LOXL3: variants seen among roughly 807,000 people sequenced by gnomAD.
The protein encoded by LOXL3 is lysyl oxidase homolog 3.
Under a neutral mutation model 91.8 loss-of-function variants are expected in LOXL3, and 60 were observed. That is an observed-to-expected ratio of 0.65 (90% CI 0.53 to 0.81). LOXL3 has a LOEUF of 0.81. Among genes scored for constraint, LOXL3 ranks in the 30% least tolerant of loss-of-function variants. LOXL3 has a pLI of 0.00. For missense variants in LOXL3, 874 were observed against 1,000.4 expected (o/e 0.87, Z 1.70); for synonymous variants, 355 against 387.6 (o/e 0.92, Z 0.99).
chr2:74,550,122 C>A, intron 3 of LOXL3, 63 bp downstream of exon 3: 1 of 1,539,428 alleles, frequency 6.5e-7, no homozygotes, highest in East Asian at 2.3e-5. Flanking sequence ...TCTCCGCTAA[C>A]CACCCCACAG....
chr2:74,554,884 A>C, upstream of LOXL3: 1 of 1,596,616 alleles, frequency 6.3e-7, no homozygotes, highest in South Asian at 1.1e-5. The surrounding 1 kb of genome is among the most constrained non-coding windows in gnomAD (Gnocchi z 4.9). Flanking sequence ...AAACAGGGAG[A>C]GGTGGGCAGC....
rs116003002 is a variant in LOXL3, at chr2:74,540,883, C to T, written c.693-3955G>A. Among the ~76,000 whole-genome samples the T allele has an allele frequency of 4.1e-3, 631 of 152,216 alleles. 6 individuals carry two copies. The highest frequency in any genetic ancestry group is 0.015 in the African/African-American group (608 of 41,534). On this transcript the variant is annotated intron_variant, in intron 4 of 13. Coordinates refer to ENST00000264094, the MANE Select transcript of LOXL3 (RefSeq NM_032603.5). ...TATGTTGTCCAGGCTGGTCTCATCT[C>T]AAACTTCTGAGCCCAAGCTATCCTC...
At position 74,535,458 on chromosome 2, in the gene LOXL3, G is replaced by C; in HGVS notation, c.1417-4C>G. 6.2e-7 allele frequency: 1 copy of C among 1,613,702 alleles called. No homozygotes were observed. Among genetic ancestry groups the C allele is most frequent in the Non-Finnish European group, 8.5e-7 (1 of 1,180,020 alleles). On this transcript the variant is annotated splice_polypyrimidine_tract_variant and splice_region_variant and intron_variant, in intron 8 of 13. Coordinates refer to ENST00000264094, the MANE Select transcript of LOXL3 (RefSeq NM_032603.5). This position sits in a 1 kb window ranked among gnomAD's most constrained non-coding sequence, Gnocchi z 4.2. Reference sequence around the variant, plus strand: ...CAGAGTCCCAGTACCAGGTCTCCTGGGGACATATGCAGATGTTTCTGTAAG... The same window carrying C: ...CAGAGTCCCAGTACCAGGTCTCCTGCGGACATATGCAGATGTTTCTGTAAG...
chr2:74,554,870 C>T (rs777924338), upstream of LOXL3: 1 of 1,605,820 alleles, frequency 6.2e-7, no homozygotes, highest in Non-Finnish European at 8.5e-7. This position sits in a 1 kb window ranked among gnomAD's most constrained non-coding sequence, Gnocchi z 4.9. Flanking sequence ...GTGAGAGAGC[C>T]CAGAAACAGG....
chr2:74,537,420 CCCATCT>C (rs1367923817), intron 4 of LOXL3, among the ~76,000 whole-genome samples: 1 of 152,192 alleles, frequency 6.6e-6, no homozygotes, highest in Non-Finnish European at 1.5e-5. Flanking sequence ...AAGGAAGTCT[CCCATCT>C]CCATAGCTCC....
intron 4 of LOXL3, among the ~76,000 whole-genome samples, chr2:74,544,436 G>T (rs1027112941): frequency 2.6e-5 from 4 of 152,106 alleles, no homozygotes; most frequent in Non-Finnish European, 5.9e-5. Flanking sequence ...AACCTCTCTT[G>T]TCATTTATTC....
chr2:74,535,700 C>A lies in LOXL3; in HGVS notation c.1304G>T (p.Gly435Val). The A allele has an allele frequency of 6.2e-7, 1 of 1,604,370 alleles. No individual in the cohort carries two copies. Residue 435 changes from glycine to valine, a missense_variant, in exon 8 of 14, where the codon GGG becomes GTG. Transcript: ENST00000264094. This position sits in a 1 kb window ranked among gnomAD's most constrained non-coding sequence, Gnocchi z 4.2. Reference sequence around the variant, plus strand: ...GCCCCAGCGAAGGGGCCCAGGTCCCCCTATTTGCACCTCGACTCGCCCCTC... The same window carrying A: ...GCCCCAGCGAAGGGGCCCAGGTCCCACTATTTGCACCTCGACTCGCCCCTC... Reference protein sequence around the residue: ...QHEGRVEVQIGGPGPLRWGLI... With the variant: ...QHEGRVEVQIVGPGPLRWGLI...
chr2:74,541,898 T>C (rs1010253520), intron 4 of LOXL3, among the ~76,000 whole-genome samples: 1 of 152,018 alleles, frequency 6.6e-6, no homozygotes, highest in African/African-American at 2.4e-5. Flanking sequence ...TTTGTCCTCA[T>C]TGAGGACCAG....
upstream of LOXL3, chr2:74,555,090 C>A: frequency 6.5e-7 from 1 of 1,539,896 alleles, no homozygotes; most frequent in Non-Finnish European, 8.7e-7. The surrounding 1 kb of genome is among the most constrained non-coding windows in gnomAD (Gnocchi z 6.1). Context: ...AACCTCCTTC[C>A]CCGTCGGGAC....
At chr2:74,550,393 G>C (rs1365278829) in intron 2 of LOXL3, 45 bp from the exon 3 acceptor site, 1 of 1,591,174 alleles carries the variant, frequency 6.3e-7, no homozygotes, top group East Asian at 2.2e-5. Flanking sequence ...GGGGAGGGAG[G>C]ATGGGGGAGT....
intron 4 of LOXL3, among the ~76,000 whole-genome samples, chr2:74,545,664 C>T (rs1186316154): frequency 2.0e-5 from 3 of 152,152 alleles, no homozygotes; most frequent in Admixed American, 6.5e-5. Flanking sequence ...CTCTCCTCTT[C>T]GAAGCACTTT....
At position 74,535,595 on chromosome 2, in the gene LOXL3, C is replaced by A. The variant is rs1300621939; in HGVS notation, c.1409G>T (p.Gly470Val). 6.2e-7 allele frequency: 1 copy of A among 1,613,978 alleles called. No homozygotes were observed. The highest frequency in any genetic ancestry group is 1.1e-5 in the South Asian group (1 of 91,078). The change falls in exon 8 of 14, where the codon GGC becomes GTC. Residue 470 changes from glycine to valine, a missense_variant. Transcript: ENST00000264094. The surrounding 1 kb of genome is among the most constrained non-coding windows in gnomAD (Gnocchi z 4.2). ...CCTTTCCTTCCCACTCACCTGCAGG[C>A]CGTGGTTGGCGTAGCCCAGACCCAG... Reference protein sequence around the residue: ...RQLGLGYANHGLQETWYWDSG... With the variant: ...RQLGLGYANHVLQETWYWDSG...
At chr2:74,551,209 T>C (rs1467636768) in intron 2 of LOXL3, among the ~76,000 whole-genome samples, 1 of 152,212 alleles carries the variant, frequency 6.6e-6, no homozygotes, top group Non-Finnish European at 1.5e-5. Context: ...GCTGGGATTA[T>C]AGGCGTGAGC....
In LOXL3 at chr2:74,536,663, G is replaced by T. The variant is rs751864057; in HGVS notation, c.912+46C>A. The stretch of plus-strand genomic sequence containing the variant: ...TTAGTCTGGGGTTGCCAGGCTAGGG[G>T]TTCTCCACCTGGGGTGGGAAAGGTC... On this transcript the variant is annotated intron_variant, in intron 5 of 13. Coordinates refer to ENST00000264094, the MANE Select transcript of LOXL3 (RefSeq NM_032603.5). This position sits in a 1 kb window ranked among gnomAD's most constrained non-coding sequence, Gnocchi z 4.5. 10 of 1,588,950 alleles carry T rather than the reference G, an allele frequency of 6.3e-6. No individual in the cohort carries two copies. Among genetic ancestry groups the T allele is most frequent in the Non-Finnish European group, 8.6e-6 (10 of 1,158,964 alleles).
Position 74,532,891 on chromosome 2 carries a change from A to T in LOXL3, c.*715T>A. 1 of 1,614,108 alleles carries T rather than the reference A, an allele frequency of 6.2e-7. No homozygotes were observed. The highest frequency in any genetic ancestry group is 8.5e-7 in the Non-Finnish European group (1 of 1,180,018). On this transcript the variant is annotated 3_prime_UTR_variant, in exon 14 of 14. Transcript: ENST00000264094. ...ATGGTACAAAATGCTGAAGATGTTT[A>T]TGAAGCTGTTCGAACCCAATCCCAG...
At chr2:74,543,010 A>AT (rs57350712) in intron 4 of LOXL3, among the ~76,000 whole-genome samples, 7,331 of 152,134 alleles carry the variant, frequency 0.048, 582 homozygotes, top group African/African-American at 0.17. Context: ...TCCAGCAGAC[A>AT]TTTTTCAGTC....
chr2:74,533,802 G>T (rs186094795), intron 13 of LOXL3, 80 bp downstream of exon 13: 9 of 1,454,820 alleles, frequency 6.2e-6, no homozygotes, highest in Admixed American at 1.7e-5. Context: ...GGAAGATGGA[G>T]AAACAAGCTA....
intron 4 of LOXL3, among the ~76,000 whole-genome samples, chr2:74,546,003 C>T (rs1011071432): frequency 1.3e-5 from 2 of 152,186 alleles, no homozygotes; most frequent in Admixed American, 6.5e-5. Flanking sequence ...ACAAAACATG[C>T]TCCATTCACT....
rs933887287 is a variant in LOXL3 at position 74,536,394 on chromosome 2, T to C, written c.990A>G (p.Thr330=). The C allele has an allele frequency of 5.6e-6, 9 of 1,614,174 alleles. No homozygotes were observed. The highest frequency in any genetic ancestry group is 6.8e-6 in the Non-Finnish European group (8 of 1,180,030). Residue 330 remains threonine, a synonymous_variant, in exon 6 of 14, where the codon ACA becomes ACG. Transcript: ENST00000264094. The surrounding 1 kb of genome is among the most constrained non-coding windows in gnomAD (Gnocchi z 4.5). ...VEVLKASTWG[T]VCDRKWDLHA... ...GCAGGTCCCACTTGCGGTCACAGAC[T>C]GTGCCCCATGTGCTGGCCTTCAGGA... is the stretch of plus-strand genomic sequence containing the variant.
Sources: allele counts gnomAD v4.1 joint callset (sites outside exome capture counted in the v4.1 genomes callset), GRCh38; gene constraint gnomAD v4.1.1; non-coding constraint Gnocchi (gnomAD v3.1); transcripts MANE v1.5; gene names NCBI Gene and HGNC (gene_info 2026-07-23, HGNC 2026-07-21).